Variants in SAMSN1 observed in about 807,000 individuals in gnomAD.
SAMSN1 encodes the protein SAM domain-containing protein SAMSN-1.
Under a neutral mutation model 42.0 loss-of-function variants are expected in SAMSN1, and 31 were observed. The observed-to-expected ratio is 0.74, with a 90% CI of 0.55 to 1.00. The LOEUF (loss-of-function observed/expected upper bound fraction) is 1.00, where lower values mean the gene tolerates loss of function less well. Ranked by LOEUF, SAMSN1 falls within the 50% of genes least tolerant of loss-of-function variation. The pLI is 0.00. For missense variants in SAMSN1, 464 were observed against 439.4 expected (o/e 1.06, Z -0.50); for synonymous variants, 178 against 151.9 (o/e 1.17, Z -1.26).
At chr21:14,559,697 G>A (rs1980882934) in intron 2 of SAMSN1, among the ~76,000 whole-genome samples, 1 of 151,802 alleles carries the variant, frequency 6.6e-6, no homozygotes, top group Non-Finnish European at 1.5e-5. Flanking sequence ...CAGAGACAAG[G>A]TTATCCCTAT....
At chr21:14,625,812 C>A (rs1983152351) in intron 2 of SAMSN1, among the ~76,000 whole-genome samples, 1 of 152,172 alleles carries the variant, frequency 6.6e-6, no homozygotes, top group Non-Finnish European at 1.5e-5. Context: ...CAAGAGCCTG[C>A]ATTGCCAGGA....
At chr21:14,579,162 T>C (rs538502565) in intron 2 of SAMSN1, among the ~76,000 whole-genome samples, 26 of 152,310 alleles carry the variant, frequency 1.7e-4, no homozygotes, top group African/African-American at 5.8e-4. Context: ...TCCCGGAGTG[T>C]AAGTGGTCTC....
intron 6 of SAMSN1, among the ~76,000 whole-genome samples, chr21:14,598,732 G>A (rs1350462981): frequency 6.6e-6 from 1 of 152,074 alleles, no homozygotes; most frequent in East Asian, 1.9e-4. Flanking sequence ...CGTTCTGGTT[G>A]GGAATTAAAT....
chr21:14,540,934 T>C (rs1006149383), intron 1 of SAMSN1, among the ~76,000 whole-genome samples: 6 of 152,142 alleles, frequency 3.9e-5, no homozygotes, highest in Non-Finnish European at 5.9e-5. Flanking sequence ...ACATACACCA[T>C]GGAATACCAT....
intron 2 of SAMSN1, among the ~76,000 whole-genome samples, chr21:14,617,776 A>G (rs1347700681): frequency 1.3e-5 from 2 of 152,256 alleles, no homozygotes; most frequent in East Asian, 1.9e-4. Flanking sequence ...AACTTCTTAT[A>G]TCAGGATTCC....
chr21:14,522,042 G>A (rs1882912), intron 1 of SAMSN1, among the ~76,000 whole-genome samples: 26,555 of 151,986 alleles, frequency 0.17, 2,593 homozygotes, highest in East Asian at 0.28. Context: ...CACAGTCCAA[G>A]GTTGGGAGTA....
At chr21:14,588,701 A>G (rs1981996602) in intron 7 of SAMSN1, among the ~76,000 whole-genome samples, 1 of 152,152 alleles carries the variant, frequency 6.6e-6, no homozygotes, top group Non-Finnish European at 1.5e-5. Context: ...TAAGAGTTTC[A>G]TCTATTCTAT....
At chr21:14,551,901 T>C (rs1018048802) in intron 2 of SAMSN1, among the ~76,000 whole-genome samples, 1 of 152,024 alleles carries the variant, frequency 6.6e-6, no homozygotes, top group African/African-American at 2.4e-5. Context: ...CTCATAACCA[T>C]CACTCTATGT....
chr21:14,577,278 A>ATTTTTT (rs1310441620), intron 2 of SAMSN1, among the ~76,000 whole-genome samples: 8 of 47,592 alleles, frequency 1.7e-4, no homozygotes, highest in African/African-American at 1.1e-3. Context: ...ATATATATAT[A>ATTTTTT]TATATATTTT....
intron 1 of SAMSN1, among the ~76,000 whole-genome samples, chr21:14,582,877 T>A (rs1436371910): frequency 6.6e-6 from 1 of 152,112 alleles, no homozygotes; most frequent in Non-Finnish European, 1.5e-5. Context: ...AATAAAGAAT[T>A]ATAAGGAAAT....
chr21:14,537,376 T>A (rs577086132), intron 1 of SAMSN1, among the ~76,000 whole-genome samples: 2 of 130,280 alleles, frequency 1.5e-5, no homozygotes, highest in South Asian at 4.2e-4. Flanking sequence ...TTTCTGTTAA[T>A]TTTTTTTTCT....
exon 2 of SAMSN1, chr21:14,582,213 A>G (rs1298012758): frequency 9.0e-6 from 14 of 1,550,706 alleles, no homozygotes; most frequent in Non-Finnish European, 1.0e-5. Flanking sequence ...CAGTGGTCCC[A>G]GGGTCCAACT....
At chr21:14,494,794 G>C (rs1213756619) in intron 7 of SAMSN1, among the ~76,000 whole-genome samples, 1 of 151,894 alleles carries the variant, frequency 6.6e-6, no homozygotes, top group Non-Finnish European at 1.5e-5. Context: ...GAAGAGAAAA[G>C]GAAAAATTCT....
chr21:14,623,452 CA>C (rs1983071551), intron 2 of SAMSN1, among the ~76,000 whole-genome samples: 2 of 151,568 alleles, frequency 1.3e-5, no homozygotes, highest in Non-Finnish European at 2.9e-5. Flanking sequence ...AAATGGAAAA[CA>C]AAAAAAGGCA....
chr21:14,507,423 G>T (rs571223398), intron 5 of SAMSN1, among the ~76,000 whole-genome samples: 16 of 152,220 alleles, frequency 1.1e-4, no homozygotes, highest in African/African-American at 3.9e-4. Context: ...ATCAAATCAA[G>T]AACTCAACCC....
At chr21:14,587,954 A>T (rs923959806), upstream of SAMSN1, among the ~76,000 whole-genome samples, 8 of 115,010 alleles carry the variant, frequency 7.0e-5, no homozygotes, top group Admixed American at 2.3e-4. Context: ...TGTCCATGTG[A>T]TCTCATTGTT....
rs374973814 is a variant in SAMSN1, at chr21:14,496,258, C to T, written c.919+2184G>A. 2.6e-5 allele frequency: 4 copies of T among 152,232 alleles called. No individual in the cohort carries two copies. The East Asian group carries it at 5.8e-4, about 22-fold the overall frequency. 9.4% of individuals were successfully genotyped at this position (152,232 alleles called of 1,614,324 possible). ...CAAATATTCATTGCTTTCATATTGGCCAATTTGCACATGTGGAGGAGTTTT... is the reference window on the plus strand; with the variant it reads ...CAAATATTCATTGCTTTCATATTGGTCAATTTGCACATGTGGAGGAGTTTT... On this transcript the variant is annotated intron_variant, in intron 7 of 7. Coordinates refer to ENST00000400566, the MANE Select transcript of SAMSN1 (RefSeq NM_022136.5).
exon 2 of SAMSN1, chr21:14,582,265 A>G: frequency 6.4e-7 from 1 of 1,550,940 alleles, no homozygotes; most frequent in South Asian, 1.2e-5. Flanking sequence ...GAGGGTTTTC[A>G]GGAAAAGGCT....
chr21:14,492,251 T>C (rs1986724009), intron 7 of SAMSN1, among the ~76,000 whole-genome samples: 1 of 152,236 alleles, frequency 6.6e-6, no homozygotes, highest in African/African-American at 2.4e-5. Context: ...AATGTACTTA[T>C]TTACACTCTT....
Sources: gnomAD v4.1 joint callset for allele counts (sites outside exome capture counted in the v4.1 genomes callset) on GRCh38, gnomAD v4.1.1 for gene constraint, MANE v1.5 for transcripts, NCBI Gene and HGNC (gene_info 2026-07-23, HGNC 2026-07-21) for gene names.